The following LRRC14 variants were observed in gnomAD, a reference collection of about 807,000 sequenced individuals.
The protein encoded by LRRC14 is leucine rich repeat containing 14, also known as leucine-rich repeat-containing protein 14.
LRRC14 carries 16 observed loss-of-function variants against 25.3 expected under a neutral mutation model. The ratio of observed to expected loss-of-function variants is 0.63; its 90% CI spans 0.43 to 0.96. The LOEUF is 0.96. Ranked by LOEUF, LRRC14 falls within the 40% of genes least tolerant of loss-of-function variation. The pLI is 0.00. For missense variants in LRRC14, 594 were observed against 660.5 expected (o/e 0.90, Z 1.10); for synonymous variants, 359 against 295.1 (o/e 1.22, Z -2.22).
rs1408377369 is a variant in LRRC14 at position 144,518,628 on chromosome 8, A to C, written c.-112+587A>C. ...GCCTTAAGGACTTACTTGTATGTGG[A>C]AAAGTCGACAAAAAGAAGGGCCTTG... is the stretch of plus-strand genomic sequence containing the variant. On this transcript the variant is annotated intron_variant, in intron 1 of 3. Transcript: ENST00000292524. The C allele has an allele frequency of 5.9e-5, 9 of 152,384 alleles. No homozygotes were observed. In the East Asian group the frequency reaches 1.7e-3, roughly 29 times the overall value. The allele number at this position is 152,384 out of a possible 1,614,324, so 9.4% of individuals were successfully genotyped here. A position where few individuals can be genotyped will look rare whatever the true frequency, so the allele number is the denominator to read the frequency against.
chr8:144,525,088 G>A lies in LRRC14; in HGVS notation c.*3610G>A, dbSNP rs758520079. 2.5e-6 allele frequency: 3 copies of A among 1,194,922 alleles called. No homozygotes were observed. Among genetic ancestry groups the A allele is most frequent in the South Asian group, 2.2e-5 (1 of 44,718 alleles). The allele number at this position is 1,194,922 out of a possible 1,614,324, so 74.0% of individuals were successfully genotyped here. On this transcript the variant is annotated 3_prime_UTR_variant, in exon 4 of 4. Transcript: ENST00000292524. Reference sequence around the variant, plus strand: ...GCAGTCGAGAGCCAGCCAATAGATGGAATGGAGGCCTGCACCTGCGTCTAA... The same window carrying A: ...GCAGTCGAGAGCCAGCCAATAGATGAAATGGAGGCCTGCACCTGCGTCTAA...
chr8:144,522,505 G>A lies in LRRC14; in HGVS notation c.*1027G>A, dbSNP rs1014396175. 7.3e-6 allele frequency: 11 copies of A among 1,498,044 alleles called. No homozygotes were observed. The highest frequency in any genetic ancestry group is 1.3e-5 in the South Asian group (1 of 78,016). 92.8% of individuals were successfully genotyped at this position (1,498,044 alleles called of 1,614,324 possible). ...AGTGGATCTCGTAGGCGACCGGCGG[G>A]GGCACGCGGAGTCCCGGCCCCGCCC... On this transcript the variant is annotated 3_prime_UTR_variant, in exon 4 of 4. Transcript: ENST00000292524.
Position 144,525,038 on chromosome 8 carries a change from AAC to A in LRRC14, c.*3564_*3565del, listed in dbSNP as rs1345167271. On this transcript the variant is annotated 3_prime_UTR_variant, in exon 4 of 4. Coordinates refer to ENST00000292524, the MANE Select transcript of LRRC14 (RefSeq NM_014665.4). ...CAGCCGCAGACGCGTGCCCTCCTGA[AAC>A]ACAGGTTGGCAGGCCAGTCTCGGCA... is the stretch of plus-strand genomic sequence containing the variant. The A allele has an allele frequency of 2.9e-6, 4 of 1,364,876 alleles. No homozygotes were observed. The highest frequency in any genetic ancestry group is 3.8e-6 in the Non-Finnish European group (4 of 1,062,562). The allele number at this position is 1,364,876 out of a possible 1,614,324, so 84.5% of individuals were successfully genotyped here. A position where few individuals can be genotyped will look rare whatever the true frequency, so the allele number is the denominator to read the frequency against.
At position 144,524,435 on chromosome 8, in the gene LRRC14, G is replaced by A. The variant is rs200001412; in HGVS notation, c.*2957G>A. On this transcript the variant is annotated 3_prime_UTR_variant, in exon 4 of 4. Coordinates refer to ENST00000292524, the MANE Select transcript of LRRC14 (RefSeq NM_014665.4). ...TATCCCGCCCCTTTAGACCCCAGGCGCTCACCGGCAGGTGCAAGAAGGTGA... is the reference window on the plus strand; with the variant it reads ...TATCCCGCCCCTTTAGACCCCAGGCACTCACCGGCAGGTGCAAGAAGGTGA... The A allele has an allele frequency of 4.4e-6, 7 of 1,597,508 alleles. No homozygotes were observed. The highest frequency in any genetic ancestry group is 2.2e-5 in the South Asian group (2 of 91,024).
Position 144,523,972 on chromosome 8 carries a change from C to A in LRRC14, c.*2494C>A, listed in dbSNP as rs1027210297. On this transcript the variant is annotated 3_prime_UTR_variant, in exon 4 of 4. Transcript: ENST00000292524. Reference sequence around the variant, plus strand: ...CCAGCACACCCACTCCCGCAGCCCTCCAGTGTGGCTGCAGGCGGTGGTGCA... The same window carrying A: ...CCAGCACACCCACTCCCGCAGCCCTACAGTGTGGCTGCAGGCGGTGGTGCA... 4.0e-6 allele frequency: 4 copies of A among 1,007,754 alleles called. No homozygotes were observed. Among genetic ancestry groups the A allele is most frequent in the Admixed American group, 4.6e-5 (2 of 43,414 alleles). 62.4% of individuals were successfully genotyped at this position (1,007,754 alleles called of 1,614,324 possible).
intron 1 of LRRC14, chr8:144,519,256 G>A: frequency 5.4e-6 from 1 of 184,982 alleles, no homozygotes; most frequent in Non-Finnish European, 1.2e-5. Flanking sequence ...TTGGCTGCTT[G>A]ACTCCTTAGA....
Position 144,522,708 on chromosome 8 carries a change from C to G in LRRC14, c.*1230C>G. 1 of 1,596,800 alleles carries G rather than the reference C, an allele frequency of 6.3e-7. No individual in the cohort carries two copies. Among genetic ancestry groups the G allele is most frequent in the Non-Finnish European group, 8.5e-7 (1 of 1,172,882 alleles). On this transcript the variant is annotated 3_prime_UTR_variant, in exon 4 of 4. Coordinates refer to ENST00000292524, the MANE Select transcript of LRRC14 (RefSeq NM_014665.4). ...AACAGCGCTCCCTCCCCCGGAGGCC[C>G]CCGCGCCTTTTTTCGCCTGCGGCGC...
In LRRC14 at chr8:144,523,405, G is replaced by C. The variant is rs748390301; in HGVS notation, c.*1927G>C. Reference sequence around the variant, plus strand: ...GCAGGGCGCAGTCACAGCGCCATGGGTTCTCTGTGGGAGAGCAGCGTTAGG... The same window carrying C: ...GCAGGGCGCAGTCACAGCGCCATGGCTTCTCTGTGGGAGAGCAGCGTTAGG... On this transcript the variant is annotated 3_prime_UTR_variant, in exon 4 of 4. Transcript: ENST00000292524. The C allele has an allele frequency of 6.5e-7, 1 of 1,529,614 alleles. No homozygotes were observed. Among genetic ancestry groups the C allele is most frequent in the Non-Finnish European group, 8.8e-7 (1 of 1,138,866 alleles). 94.8% of individuals were successfully genotyped at this position (1,529,614 alleles called of 1,614,324 possible).
chr8:144,523,932 C>T lies in LRRC14; in HGVS notation c.*2454C>T. 1 of 706,418 alleles carries T rather than the reference C, an allele frequency of 1.4e-6. No individual in the cohort carries two copies. The highest frequency in any genetic ancestry group is 1.9e-5 in the South Asian group (1 of 52,852). 43.8% of individuals were successfully genotyped at this position (706,418 alleles called of 1,614,324 possible). ...TCTTCTGTTTTCCCCAGGCAGGGTG[C>T]CTGAGCTGTATTCCCCAGCACACCC... is the stretch of plus-strand genomic sequence containing the variant. On this transcript the variant is annotated 3_prime_UTR_variant, in exon 4 of 4. Transcript: ENST00000292524.
In LRRC14 at chr8:144,524,255, T is replaced by C. The variant is rs1433657194; in HGVS notation, c.*2777T>C. ...CCTCCAGCAGCTCAATGCTGTTTTC[T>C]TGCAGGTGAAGCTCCTGCAGTCGCT... On this transcript the variant is annotated 3_prime_UTR_variant, in exon 4 of 4. Coordinates refer to ENST00000292524, the MANE Select transcript of LRRC14 (RefSeq NM_014665.4). 3 of 1,612,332 alleles carry C rather than the reference T, an allele frequency of 1.9e-6. No individual in the cohort carries two copies. The highest frequency in any genetic ancestry group is 2.5e-6 in the Non-Finnish European group (3 of 1,179,942).
Position 144,524,054 on chromosome 8 carries a change from G to A in LRRC14, c.*2576G>A. 1 of 1,565,672 alleles carries A rather than the reference G, an allele frequency of 6.4e-7. No homozygotes were observed. The highest frequency in any genetic ancestry group is 8.7e-7 in the Non-Finnish European group (1 of 1,150,044). Reference sequence around the variant, plus strand: ...TCAGAGCCCCTCCACACATGAGCCTGCTCCCTACTGCCAACACCGTGGCCC... The same window carrying A: ...TCAGAGCCCCTCCACACATGAGCCTACTCCCTACTGCCAACACCGTGGCCC... On this transcript the variant is annotated 3_prime_UTR_variant, in exon 4 of 4. Coordinates refer to ENST00000292524, the MANE Select transcript of LRRC14 (RefSeq NM_014665.4).
Position 144,524,566 on chromosome 8 carries a change from G to A in LRRC14, c.*3088G>A. The stretch of plus-strand genomic sequence containing the variant: ...AAGCCGCGCAGCCGGTTGCTAGTGA[G>A]CGCCAGCTCCAGCAGGCGCGGCTGC... On this transcript the variant is annotated 3_prime_UTR_variant, in exon 4 of 4. Coordinates refer to ENST00000292524, the MANE Select transcript of LRRC14 (RefSeq NM_014665.4). 6.4e-7 allele frequency: 1 copy of A among 1,564,824 alleles called. No homozygotes were observed. The highest frequency in any genetic ancestry group is 1.1e-5 in the South Asian group (1 of 87,596).
chr8:144,522,722 C>A lies in LRRC14; in HGVS notation c.*1244C>A. ...CCCCGGAGGCCCCCGCGCCTTTTTT[C>A]GCCTGCGGCGCCGGCGACAGATCAT... is the stretch of plus-strand genomic sequence containing the variant. On this transcript the variant is annotated 3_prime_UTR_variant, in exon 4 of 4. Transcript: ENST00000292524. 1 of 1,593,398 alleles carries A rather than the reference C, an allele frequency of 6.3e-7. No homozygotes were observed. The highest frequency in any genetic ancestry group is 8.5e-7 in the Non-Finnish European group (1 of 1,171,268).
chr8:144,522,603 C>T lies in LRRC14; in HGVS notation c.*1125C>T, dbSNP rs1339711506. 6 of 1,569,054 alleles carry T rather than the reference C, an allele frequency of 3.8e-6. No individual in the cohort carries two copies. The highest frequency in any genetic ancestry group is 1.4e-5 in the African/African-American group (1 of 71,764). On this transcript the variant is annotated 3_prime_UTR_variant, in exon 4 of 4. Coordinates refer to ENST00000292524, the MANE Select transcript of LRRC14 (RefSeq NM_014665.4). ...AAGAGCGGCTTGGAGCGGTTGATGA[C>T]GAACATCTCGTGGCCGCGCTCGTCG...
chr8:144,520,897 T>C lies in LRRC14; in HGVS notation c.915-14T>C, dbSNP rs1275805311. On this transcript the variant is annotated splice_polypyrimidine_tract_variant and intron_variant, in intron 3 of 3. Coordinates refer to ENST00000292524, the MANE Select transcript of LRRC14 (RefSeq NM_014665.4). ...CCTGGCTCTGCCTGTCTGTGACCCC[T>C]GTGTCCCCTGTAGCACCCTGCAGAG... 4 of 1,602,448 alleles carry C rather than the reference T, an allele frequency of 2.5e-6. No homozygotes were observed. The highest frequency in any genetic ancestry group is 3.4e-6 in the Non-Finnish European group (4 of 1,176,368).
intron 3 of LRRC14, 32 bp from the exon 4 acceptor site, chr8:144,520,879 C>T (rs773593351): frequency 6.3e-7 from 1 of 1,597,354 alleles, no homozygotes; most frequent in Admixed American, 1.7e-5. Flanking sequence ...CTCCCTGGCT[C>T]TGCCTGTCTG....
At position 144,521,065 on chromosome 8, in the gene LRRC14, C is replaced by A. The variant is rs747178364; in HGVS notation, c.1069C>A (p.Gln357Lys). 10 of 1,612,912 alleles carry A rather than the reference C, an allele frequency of 6.2e-6. No homozygotes were observed. The South Asian group carries it at 7.7e-5, about 12-fold the overall frequency. The change falls in exon 4 of 4, where the codon CAG (glutamine) becomes AAG (lysine). Residue 357 changes from glutamine (Q) to lysine (K), a missense_variant. Gln to Lys is a moderately conservative substitution (Grantham distance 53). Transcript: ENST00000292524. Reference protein sequence around the residue: ...DLSGSQLAPFQGLLQASAATL... With the variant: ...DLSGSQLAPFKGLLQASAATL... ...GTCTGGCAGCCAGCTGGCACCCTTC[C>A]AGGGTCTGTTGCAGGCATCAGCAGC...
chr8:144,522,571 C>A lies in LRRC14; in HGVS notation c.*1093C>A. 2 of 1,554,458 alleles carry A rather than the reference C, an allele frequency of 1.3e-6. No individual in the cohort carries two copies. The highest frequency in any genetic ancestry group is 2.6e-5 in the East Asian group (1 of 39,160). On this transcript the variant is annotated 3_prime_UTR_variant, in exon 4 of 4. Transcript: ENST00000292524. ...AGTCAGCGGGCGCCTCCGCCGGACC[C>A]TCGGCGAAGAGCGGCTTGGAGCGGT...
rs1442360606 is a variant in LRRC14 at position 144,523,396 on chromosome 8, G to A, written c.*1918G>A. On this transcript the variant is annotated 3_prime_UTR_variant, in exon 4 of 4. Coordinates refer to ENST00000292524, the MANE Select transcript of LRRC14 (RefSeq NM_014665.4). ...CCAGCCAGTGCAGGGCGCAGTCACA[G>A]CGCCATGGGTTCTCTGTGGGAGAGC... The A allele has an allele frequency of 5.2e-6, 8 of 1,537,568 alleles. No homozygotes were observed. In the South Asian group the frequency reaches 1.0e-4, roughly 19 times the overall value.
Sources: gnomAD v4.1 joint callset for allele counts on GRCh38, gnomAD v4.1.1 for gene constraint, MANE v1.5 for transcripts, NCBI Gene and HGNC (gene_info 2026-07-23, HGNC 2026-07-21) for gene names.